Variants in RBMS1 observed in about 807,000 individuals in gnomAD.
RBMS1 encodes RNA binding motif single stranded interacting protein 1, also known as RNA-binding motif, single-stranded-interacting protein 1.
In RBMS1, 17 loss-of-function variants were observed where a neutral mutation model predicts 62.3. The observed-to-expected ratio is 0.27, with a 90% CI of 0.19 to 0.41. The LOEUF is 0.41. RBMS1 is among the 10% of genes least tolerant of loss of function. RBMS1 has a pLI of 1.00. For synonymous variants in RBMS1, 172 were observed against 170.0 expected (o/e 1.01, Z -0.09); for missense variants, 334 against 504.5 (o/e 0.66, Z 3.24).
chr2:160,476,661 TC>T (rs1685145958), intron 1 of RBMS1, among the ~76,000 whole-genome samples: 1 of 148,426 alleles, frequency 6.7e-6, no homozygotes, highest in South Asian at 2.2e-4. Context: ...TTCACGCCAT[TC>T]TCCTGCCTCA....
chr2:160,430,954 C>A (rs1480199091), intron 1 of RBMS1, among the ~76,000 whole-genome samples: 1 of 151,454 alleles, frequency 6.6e-6, no homozygotes, highest in Admixed American at 6.6e-5. Flanking sequence ...CCCCATCCCC[C>A]TTTCCCTCCT....
chr2:160,323,034 G>T (rs903288878), intron 2 of RBMS1, among the ~76,000 whole-genome samples: 2 of 152,064 alleles, frequency 1.3e-5, no homozygotes, highest in African/African-American at 4.8e-5. Flanking sequence ...GGGGTGAGGG[G>T]GAGCTGTTAT....
intron 2 of RBMS1, among the ~76,000 whole-genome samples, chr2:160,335,844 A>T (rs372283539): frequency 1.3e-5 from 2 of 152,078 alleles, no homozygotes; most frequent in South Asian, 2.1e-4. Context: ...TGCATTTTTA[A>T]TTATTTGTTT....
intron 2 of RBMS1, among the ~76,000 whole-genome samples, chr2:160,335,496 A>G (rs1251854043): frequency 6.6e-6 from 1 of 152,218 alleles, no homozygotes; most frequent in Non-Finnish European, 1.5e-5. Flanking sequence ...CAACAGTGAC[A>G]ATCAATTTCA....
At chr2:160,391,378 T>C (rs1694858587) in intron 1 of RBMS1, among the ~76,000 whole-genome samples, 1 of 151,624 alleles carries the variant, frequency 6.6e-6, no homozygotes, top group South Asian at 2.1e-4. Context: ...AGAGGGAGCA[T>C]GGCCCTGCTG....
Position 160,390,120 on chromosome 2 carries a change from T to C in RBMS1, c.76-22729A>G, listed in dbSNP as rs1268718785. ...AATGGGTAGTGGTGCAACCCATCCCTTTCTCAAGACAACAGGCATTATTGC... is the reference window on the plus strand; with the variant it reads ...AATGGGTAGTGGTGCAACCCATCCCCTTCTCAAGACAACAGGCATTATTGC... On this transcript the variant is annotated intron_variant, in intron 1 of 13. Coordinates refer to ENST00000348849, the MANE Select transcript of RBMS1 (RefSeq NM_016836.4). Among the ~76,000 whole-genome samples the C allele has an allele frequency of 2.0e-5, 3 of 152,236 alleles. No homozygotes were observed. In the East Asian group the frequency reaches 5.8e-4, roughly 29 times the overall value.
chr2:160,447,176 C>T (rs1260982548), intron 1 of RBMS1, among the ~76,000 whole-genome samples: 3 of 152,204 alleles, frequency 2.0e-5, no homozygotes, highest in African/African-American at 4.8e-5. Context: ...GTGAGCTACA[C>T]ATGGCCATCC....
intron 3 of RBMS1, among the ~76,000 whole-genome samples, chr2:160,317,656 G>T: frequency 6.6e-6 from 1 of 152,128 alleles, no homozygotes; most frequent in South Asian, 2.1e-4. Flanking sequence ...GAAAATGGTT[G>T]TCTCCTCCCT....
chr2:160,299,475 A>G (rs1689104204), intron 6 of RBMS1, among the ~76,000 whole-genome samples: 1 of 152,046 alleles, frequency 6.6e-6, no homozygotes, highest in Middle Eastern at 3.2e-3. Context: ...CTAGATATCT[A>G]TTTTAGTAAC....
intron 1 of RBMS1, among the ~76,000 whole-genome samples, chr2:160,388,049 T>A (rs939229393): frequency 6.6e-6 from 1 of 152,180 alleles, no homozygotes; most frequent in African/African-American, 2.4e-5. Context: ...CCAACTAACA[T>A]GTGCTGTTAG....
chr2:160,406,335 G>T (rs901170590), intron 1 of RBMS1, among the ~76,000 whole-genome samples: 1 of 152,186 alleles, frequency 6.6e-6, no homozygotes, highest in Non-Finnish European at 1.5e-5. Flanking sequence ...ACGACAACAA[G>T]ACCTAAACAT....
intron 1 of RBMS1, among the ~76,000 whole-genome samples, chr2:160,378,956 A>C (rs1021463409): frequency 1.3e-5 from 2 of 152,252 alleles, no homozygotes; most frequent in African/African-American, 4.8e-5. Context: ...GTGGTGGCTC[A>C]TGCCTATAAT....
chr2:160,388,916 G>GA (rs1694718946), intron 1 of RBMS1, among the ~76,000 whole-genome samples: 2 of 152,378 alleles, frequency 1.3e-5, no homozygotes, highest in South Asian at 4.1e-4. Context: ...CCCACACAGT[G>GA]ACAGGCCAGA....
chr2:160,284,722 A>C lies in RBMS1; in HGVS notation c.900+53T>G, dbSNP rs753824894. On this transcript the variant is annotated intron_variant, in intron 9 of 13. Coordinates refer to ENST00000348849, the MANE Select transcript of RBMS1 (RefSeq NM_016836.4). Reference sequence around the variant, plus strand: ...TTTAAGACACATAAAAATGTAGCAGAGATTCATGGTCCGCAAGTGGTTATA... The same window carrying C: ...TTTAAGACACATAAAAATGTAGCAGCGATTCATGGTCCGCAAGTGGTTATA... 4.6e-6 allele frequency: 6 copies of C among 1,300,124 alleles called. No individual in the cohort carries two copies. The Admixed American group carries it at 5.1e-5, about 11-fold the overall frequency. The allele number at this position is 1,300,124 out of a possible 1,614,324, so 80.5% of individuals were successfully genotyped here.
At chr2:160,319,490 C>T (rs746677805) in intron 2 of RBMS1, among the ~76,000 whole-genome samples, 16 of 152,218 alleles carry the variant, frequency 1.1e-4, no homozygotes, top group South Asian at 8.3e-4. Context: ...CCACCCTGGG[C>T]GACAGAGCAA....
rs1056033412 is a variant in RBMS1 at position 160,493,572 on chromosome 2, TTCC to T, written c.-212_-210del. 2,223 of 389,094 alleles carry T rather than the reference TTCC, an allele frequency of 5.7e-3. No individual in the cohort carries two copies. The highest frequency in any genetic ancestry group is 8.7e-3 in the Middle Eastern group (10 of 1,144). The allele number at this position is 389,094 out of a possible 1,614,324, so 24.1% of individuals were successfully genotyped here. A position where few individuals can be genotyped will look rare whatever the true frequency, so the allele number is the denominator to read the frequency against. ...CCTCCTCCTCCTCCTCCTCCTCCTC[TTCC>T]TCCTCCTCCTCCTCCTCCCAGGCAG... On this transcript the variant is annotated 5_prime_UTR_variant, in exon 1 of 14. Coordinates refer to ENST00000348849, the MANE Select transcript of RBMS1 (RefSeq NM_016836.4).
At chr2:160,439,153 C>T (rs558953337) in intron 1 of RBMS1, among the ~76,000 whole-genome samples, 2,742 of 150,628 alleles carry the variant, frequency 0.018, 37 homozygotes, top group Non-Finnish European at 0.025. Context: ...GCTGATCCCC[C>T]CACCTCCCTC....
intron 2 of RBMS1, among the ~76,000 whole-genome samples, chr2:160,364,678 A>AT (rs1208927125): frequency 6.6e-6 from 1 of 152,138 alleles, no homozygotes; most frequent in Non-Finnish European, 1.5e-5. Context: ...TTTAAAAAAT[A>AT]TTTTTTGTTT....
At chr2:160,381,325 T>C (rs924746891) in intron 1 of RBMS1, among the ~76,000 whole-genome samples, 6 of 152,036 alleles carry the variant, frequency 3.9e-5, no homozygotes, top group African/African-American at 1.5e-4. Context: ...TTTGTTACTA[T>C]CAAAATAACC....
Sources: allele counts gnomAD v4.1 joint callset (sites outside exome capture counted in the v4.1 genomes callset), GRCh38; gene constraint gnomAD v4.1.1; transcripts MANE v1.5; gene names NCBI Gene and HGNC (gene_info 2026-07-23, HGNC 2026-07-21).